The following LRRTM4 variants were observed in gnomAD, a reference collection of about 807,000 sequenced individuals.
LRRTM4 encodes the protein leucine rich repeat transmembrane neuronal 4.
Under a neutral mutation model 47.6 loss-of-function variants are expected in LRRTM4, and 25 were observed. The observed-to-expected ratio is 0.53, with a 90% CI of 0.38 to 0.73. The LOEUF is 0.73. LRRTM4 is among the 30% of genes least tolerant of loss of function. LRRTM4 has a pLI of 0.00. For synonymous variants in LRRTM4, 311 were observed against 269.5 expected (o/e 1.15, Z -1.51); for missense variants, 638 against 713.4 (o/e 0.89, Z 1.20).
intron 3 of LRRTM4, among the ~76,000 whole-genome samples, chr2:76,751,270 C>CAAAAAAACA (rs1200013747): frequency 2.0e-5 from 3 of 152,102 alleles, no homozygotes; most frequent in Admixed American, 6.6e-5. Flanking sequence ...AAAATTAAAT[C>CAAAAAAACA]AATATGTAAT....
rs187369566 is a variant in LRRTM4 at position 77,253,814 on chromosome 2, G to C, written c.1551+264504C>G. On this transcript the variant is annotated intron_variant, in intron 3 of 3. Transcript: ENST00000409884. ...TTTTTAAAAAAATTTTATGCAATCT[G>C]AACAACAGAAAAAAATACCCTGGAG... 1.5e-4 allele frequency among the ~76,000 whole-genome samples: 22 copies of C among 144,812 alleles called. No individual in the cohort carries two copies. The East Asian group carries it at 3.9e-3, about 25-fold the overall frequency.
intron 3 of LRRTM4, among the ~76,000 whole-genome samples, chr2:77,307,006 TCTC>T (rs368409871): frequency 0.034 from 5,088 of 150,040 alleles, 303 homozygotes; most frequent in African/African-American, 0.12. Context: ...TTCACACCAT[TCTC>T]CTGCCTCAGC....
chr2:77,485,363 G>A lies in LRRTM4; in HGVS notation c.1551+32955C>T, dbSNP rs547453538. The stretch of plus-strand genomic sequence containing the variant: ...AAATTTGAACTGGATCTTTAATCTT[G>A]GTGATTTTCCAGGTAGACAAAATAG... On this transcript the variant is annotated intron_variant, in intron 3 of 3. Coordinates refer to ENST00000409884, the MANE Select transcript of LRRTM4 (RefSeq NM_001134745.3). Among the ~76,000 whole-genome samples the A allele has an allele frequency of 1.9e-3, 291 of 152,152 alleles. 3 individuals carry two copies. Among genetic ancestry groups the A allele is most frequent in the Middle Eastern group, 0.017 (5 of 294 alleles).
intron 3 of LRRTM4, among the ~76,000 whole-genome samples, chr2:77,046,445 A>G (rs1203825729): frequency 2.6e-5 from 4 of 151,888 alleles, no homozygotes; most frequent in African/African-American, 9.7e-5. Flanking sequence ...ATGCTCTATC[A>G]CTCCACTGAA....
intron 3 of LRRTM4, among the ~76,000 whole-genome samples, chr2:77,320,126 T>G (rs1229844664): frequency 6.6e-6 from 1 of 151,332 alleles, no homozygotes; most frequent in Non-Finnish European, 1.5e-5. Flanking sequence ...CTACGTACTC[T>G]GAGGCCTCTG....
intron 3 of LRRTM4, among the ~76,000 whole-genome samples, chr2:77,145,776 AAAATAAAT>A (rs71381266): frequency 1.1e-3 from 167 of 148,072 alleles, no homozygotes; most frequent in African/African-American, 3.5e-3. Flanking sequence ...TCCGTCTCAA[AAAATAAAT>A]AAATAAATAA....
intron 3 of LRRTM4, among the ~76,000 whole-genome samples, chr2:76,838,772 T>C (rs1175150176): frequency 2.6e-5 from 4 of 152,090 alleles, no homozygotes; most frequent in Non-Finnish European, 5.9e-5. Context: ...ACGTTGAACA[T>C]GGGACATGTT....
intron 3 of LRRTM4, among the ~76,000 whole-genome samples, chr2:77,067,441 G>A (rs1558560133): frequency 6.6e-6 from 1 of 151,942 alleles, no homozygotes; most frequent in African/African-American, 2.4e-5. Context: ...TACAAAAAAA[G>A]GAGAGCCTCC....
In LRRTM4 at chr2:77,182,609, T is replaced by C. The variant is rs560114529; in HGVS notation, c.1551+335709A>G. ...GGCTGAGACGATGGGGTTTTCTAGA[T>C]ATACAATCATGTCATATGCAAACAG... is the stretch of plus-strand genomic sequence containing the variant. On this transcript the variant is annotated intron_variant, in intron 3 of 3. Coordinates refer to ENST00000409884, the MANE Select transcript of LRRTM4 (RefSeq NM_001134745.3). Among the ~76,000 whole-genome samples, 525 of 152,248 alleles carry C rather than the reference T, an allele frequency of 3.4e-3. 1 individual carries two copies. Among genetic ancestry groups the C allele is most frequent in the African/African-American group, 0.012 (495 of 41,542 alleles).
intron 3 of LRRTM4, among the ~76,000 whole-genome samples, chr2:76,938,442 T>A (rs1356671178): frequency 6.6e-6 from 1 of 152,184 alleles, no homozygotes; most frequent in Non-Finnish European, 1.5e-5. Flanking sequence ...GTGATTTTAC[T>A]GATGATGAAT....
intron 3 of LRRTM4, among the ~76,000 whole-genome samples, chr2:77,195,988 G>A (rs954786253): frequency 6.6e-6 from 1 of 152,090 alleles, no homozygotes; most frequent in African/African-American, 2.4e-5. Flanking sequence ...AATCTTTCCT[G>A]ACAAGAAGAA....
chr2:77,036,041 G>A (rs1008817409), intron 3 of LRRTM4, among the ~76,000 whole-genome samples: 2 of 151,778 alleles, frequency 1.3e-5, no homozygotes, highest in African/African-American at 4.8e-5. Flanking sequence ...CCACAGTGAT[G>A]TGGATGTTAC....
chr2:76,982,561 G>A (rs1676648899), intron 3 of LRRTM4, among the ~76,000 whole-genome samples: 1 of 152,036 alleles, frequency 6.6e-6, no homozygotes, highest in Non-Finnish European at 1.5e-5. Context: ...GGGTGAAGGA[G>A]CTTGTATCTA....
chr2:76,803,614 A>C (rs1675814457), intron 3 of LRRTM4, among the ~76,000 whole-genome samples: 1 of 152,178 alleles, frequency 6.6e-6, no homozygotes. Context: ...CAAAGGAAAT[A>C]AAATCAGTGA....
At chr2:76,798,393 T>G (rs999499172) in intron 3 of LRRTM4, among the ~76,000 whole-genome samples, 1 of 151,664 alleles carries the variant, frequency 6.6e-6, no homozygotes, top group Non-Finnish European at 1.5e-5. Context: ...GGATGTTCTT[T>G]GAAACCAACG....
chr2:77,286,845 T>C (rs1279779204), intron 3 of LRRTM4, among the ~76,000 whole-genome samples: 2 of 152,118 alleles, frequency 1.3e-5, no homozygotes, highest in East Asian at 1.9e-4. Flanking sequence ...GAAAACCTAC[T>C]GAAAATTAAT....
intron 3 of LRRTM4, among the ~76,000 whole-genome samples, chr2:76,935,950 T>C (rs1674930950): frequency 6.6e-6 from 1 of 152,132 alleles, no homozygotes; most frequent in African/African-American, 2.4e-5. Context: ...CAGTTTTTGC[T>C]GATACAGTGT....
At chr2:76,769,884 T>G (rs893882775) in intron 3 of LRRTM4, among the ~76,000 whole-genome samples, 1 of 152,180 alleles carries the variant, frequency 6.6e-6, no homozygotes, top group Non-Finnish European at 1.5e-5. Context: ...AAATAATACC[T>G]TTTTTTCAGA....
intron 3 of LRRTM4, among the ~76,000 whole-genome samples, chr2:76,993,052 G>A (rs1452242543): frequency 2.0e-5 from 3 of 151,724 alleles, no homozygotes; most frequent in Non-Finnish European, 4.4e-5. Context: ...ACTGGTGCTT[G>A]GATACCTGGC....
Sources: gnomAD v4.1 joint callset for allele counts (sites outside exome capture counted in the v4.1 genomes callset) on GRCh38, gnomAD v4.1.1 for gene constraint, MANE v1.5 for transcripts, NCBI Gene and HGNC (gene_info 2026-07-23, HGNC 2026-07-21) for gene names.